GADL1: variants seen among roughly 807,000 people sequenced by gnomAD.
GADL1 encodes GAD like acidic amino acid decarboxylase 1, also known as acidic amino acid decarboxylase GADL1.
GADL1 carries 71 observed loss-of-function variants against 69.5 expected under a neutral mutation model. The observed-to-expected ratio is 1.02, with a 90% CI of 0.84 to 1.25. The LOEUF (loss-of-function observed/expected upper bound fraction) is 1.25, where lower values mean the gene tolerates loss of function less well. Ranked by LOEUF, GADL1 falls within the 50% of genes most tolerant of loss-of-function variation. The pLI is 0.00. For missense variants in GADL1, 737 were observed against 631.8 expected (o/e 1.17, Z -1.79); for synonymous variants, 254 against 214.4 (o/e 1.18, Z -1.62).
chr3:30,749,417 T>G (rs958764509), intron 14 of GADL1, among the ~76,000 whole-genome samples: 2 of 152,184 alleles, frequency 1.3e-5, no homozygotes, highest in African/African-American at 4.8e-5. Context: ...ACTTTCTCTT[T>G]TCAACTCTTC....
chr3:30,800,995 T>C lies in GADL1; in HGVS notation c.1144A>G (p.Ile382Val), dbSNP rs201637975. 12 of 1,613,654 alleles carry C rather than the reference T, an allele frequency of 7.4e-6. No individual in the cohort carries two copies. In the East Asian group the frequency reaches 2.5e-4, roughly 33 times the overall value. ...GCATCTGGTCTTCTGCTACACTGGA[T>C]AGACTTGTCTCCTGTGTCATAGCTC... ...DVSYDTGDKS[I>V]QCSRRPDAFK... The change falls in exon 12 of 15, where the codon ATC (isoleucine) becomes GTC (valine). Residue 382 changes from isoleucine (I) to valine (V), a missense_variant. Physicochemically the swap from Ile to Val is conservative, Grantham distance 29 (BLOSUM62 3). Coordinates refer to ENST00000282538, the MANE Select transcript of GADL1 (RefSeq NM_207359.3).
intron 14 of GADL1, among the ~76,000 whole-genome samples, chr3:30,743,882 T>C (rs1420769807): frequency 6.6e-6 from 1 of 152,188 alleles, no homozygotes; most frequent in Non-Finnish European, 1.5e-5. Flanking sequence ...TCATTGTGTG[T>C]TTCTGCCAGG....
At position 30,740,984 on chromosome 3, in the gene GADL1, T is replaced by A. The variant is rs1409873681; in HGVS notation, c.1393-12569A>T. On this transcript the variant is annotated intron_variant, in intron 14 of 14. Transcript: ENST00000282538. ...ATTATATATTATATATTAATATATA[T>A]TATATATTATATATTAATATATATT... Among the ~76,000 whole-genome samples, 11 of 126,518 alleles carry A rather than the reference T, an allele frequency of 8.7e-5. No individual in the cohort carries two copies. The Admixed American group carries it at 9.1e-4, about 10-fold the overall frequency. 83.0% of individuals were successfully genotyped at this position (126,518 alleles called of 152,430 possible). A position where few individuals can be genotyped will look rare whatever the true frequency, so the allele number is the denominator to read the frequency against.
intron 14 of GADL1, among the ~76,000 whole-genome samples, chr3:30,769,182 T>C (rs1393888631): frequency 4.6e-5 from 7 of 152,104 alleles, no homozygotes; most frequent in African/African-American, 1.4e-4. Context: ...ACTCAGTCAT[T>C]ATTACAGCTC....
intron 14 of GADL1, among the ~76,000 whole-genome samples, chr3:30,735,812 C>T (rs1333893897): frequency 6.6e-6 from 1 of 152,112 alleles, no homozygotes; most frequent in Non-Finnish European, 1.5e-5. Flanking sequence ...TGAAGCTTTT[C>T]TTCCTGGTGG....
chr3:30,779,235 T>C (rs1004270654), intron 13 of GADL1, among the ~76,000 whole-genome samples: 7 of 152,248 alleles, frequency 4.6e-5, no homozygotes, highest in African/African-American at 1.2e-4. Flanking sequence ...ATTAGACATA[T>C]AGAATTGTAT....
At chr3:30,793,418 A>G in intron 12 of GADL1, among the ~76,000 whole-genome samples, 1 of 151,884 alleles carries the variant, frequency 6.6e-6, no homozygotes, top group East Asian at 1.9e-4. Context: ...GCAAGCCGGA[A>G]AAAAAGTACG....
At chr3:30,894,507 C>CA (rs1052250444) in intron 1 of GADL1, 71 bp downstream of exon 1, 53 of 1,294,584 alleles carry the variant, frequency 4.1e-5, no homozygotes, top group Middle Eastern at 1.8e-4. Context: ...GTCCCCAGGT[C>CA]AAAAATAAGG....
chr3:30,777,172 T>C (rs1170788302), intron 14 of GADL1, among the ~76,000 whole-genome samples: 4 of 152,154 alleles, frequency 2.6e-5, no homozygotes, highest in Non-Finnish European at 5.9e-5. Context: ...AGCAAATGTT[T>C]GTTGCTTACC....
intron 11 of GADL1, among the ~76,000 whole-genome samples, chr3:30,803,928 A>C (rs890938112): frequency 6.6e-6 from 1 of 152,210 alleles, no homozygotes; most frequent in Non-Finnish European, 1.5e-5. Flanking sequence ...CACCATATTT[A>C]TCTTGCTCAT....
chr3:30,768,117 A>T (rs1038002301), intron 14 of GADL1, among the ~76,000 whole-genome samples: 1 of 150,962 alleles, frequency 6.6e-6, no homozygotes, highest in African/African-American at 2.4e-5. Flanking sequence ...TGGCATTGCA[A>T]ATGTATACAG....
chr3:30,819,816 G>A (rs1332750519), intron 11 of GADL1, among the ~76,000 whole-genome samples: 1 of 151,934 alleles, frequency 6.6e-6, no homozygotes, highest in Non-Finnish European at 1.5e-5. Flanking sequence ...CATATATTAT[G>A]CTAAGATCTT....
chr3:30,833,994 G>A lies in GADL1; in HGVS notation c.969-60C>T, dbSNP rs1697832749. The A allele has an allele frequency of 4.3e-6, 5 of 1,149,440 alleles. No individual in the cohort carries two copies. The Admixed American group carries it at 8.6e-5, about 20-fold the overall frequency. The allele number at this position is 1,149,440 out of a possible 1,614,324, so 71.2% of individuals were successfully genotyped here. On this transcript the variant is annotated intron_variant, in intron 10 of 14. Coordinates refer to ENST00000282538, the MANE Select transcript of GADL1 (RefSeq NM_207359.3). ...GACTCAATTAGTTTCTACAGGCAAT[G>A]GAATACTATCATTATCAATATCTGC...
At chr3:30,870,315 A>T (rs1698462763) in intron 1 of GADL1, among the ~76,000 whole-genome samples, 1 of 151,846 alleles carries the variant, frequency 6.6e-6, no homozygotes, top group Admixed American at 6.6e-5. Context: ...AAAGAGAAGG[A>T]GAGCCAGACA....
At chr3:30,887,543 C>G (rs1393618430) in intron 1 of GADL1, among the ~76,000 whole-genome samples, 1 of 152,152 alleles carries the variant, frequency 6.6e-6, no homozygotes, top group African/African-American at 2.4e-5. Flanking sequence ...AGAAGGTTCT[C>G]ACTAGATGCA....
intron 4 of GADL1, among the ~76,000 whole-genome samples, chr3:30,854,070 C>CT (rs1227652140): frequency 6.6e-6 from 1 of 152,128 alleles, no homozygotes. Context: ...CCACACTGGC[C>CT]TTTCAGTTCA....
At chr3:30,879,223 A>G (rs1309501501) in intron 1 of GADL1, among the ~76,000 whole-genome samples, 1 of 151,884 alleles carries the variant, frequency 6.6e-6, no homozygotes, top group Admixed American at 6.6e-5. Flanking sequence ...TCTCTGAATG[A>G]GGTGGTCTCA....
At chr3:30,822,608 G>T (rs928562429) in intron 11 of GADL1, among the ~76,000 whole-genome samples, 3 of 151,944 alleles carry the variant, frequency 2.0e-5, no homozygotes, top group African/African-American at 7.3e-5. Flanking sequence ...AATTTTAAAT[G>T]ATTTAATATT....
At chr3:30,845,163 C>T (rs967896096) in intron 6 of GADL1, among the ~76,000 whole-genome samples, 3 of 152,094 alleles carry the variant, frequency 2.0e-5, no homozygotes, top group Non-Finnish European at 4.4e-5. Context: ...AATAGACAAA[C>T]TACTTTACTC....
Sources: gnomAD v4.1 joint callset for allele counts (sites outside exome capture counted in the v4.1 genomes callset) on GRCh38, gnomAD v4.1.1 for gene constraint, MANE v1.5 for transcripts, NCBI Gene and HGNC (gene_info 2026-07-23, HGNC 2026-07-21) for gene names.